Variants in SHC3 observed in about 807,000 individuals in gnomAD.
The protein encoded by SHC3 is SHC-transforming protein 3.
In SHC3, 15 loss-of-function variants were observed where a neutral mutation model predicts 60.4. That is an observed-to-expected ratio of 0.25 (90% CI 0.17 to 0.38). The LOEUF (loss-of-function observed/expected upper bound fraction) is 0.38, where lower values mean the gene tolerates loss of function less well. Among genes scored for constraint, SHC3 ranks in the 10% least tolerant of loss-of-function variants. The pLI is 1.00. For missense variants in SHC3, 677 were observed against 786.1 expected (o/e 0.86, Z 1.66); for synonymous variants, 294 against 325.9 (o/e 0.90, Z 1.05).
At chr9:89,023,708 C>T (rs1826241383) in intron 11 of SHC3, among the ~76,000 whole-genome samples, 1 of 152,190 alleles carries the variant, frequency 6.6e-6, no homozygotes, top group African/African-American at 2.4e-5. Flanking sequence ...GACAGCAGAA[C>T]AGAATCAGAA....
Position 89,103,045 on chromosome 9 carries a change from C to A in SHC3, c.545+9511G>T, listed in dbSNP as rs13302380. Among the ~76,000 whole-genome samples the A allele has an allele frequency of 9.4e-3, 1,427 of 152,210 alleles. 11 individuals are homozygous for A. Among genetic ancestry groups the A allele is most frequent in the Non-Finnish European group, 0.015 (1,017 of 68,004 alleles). ...GCAGGAATTCAGTGTGGAGGATATG[C>A]TGAATGGAAGTTGGGAGGAATGTTT... is the stretch of plus-strand genomic sequence containing the variant. On this transcript the variant is annotated intron_variant, in intron 2 of 11. Coordinates refer to ENST00000375835, the MANE Select transcript of SHC3 (RefSeq NM_016848.6).
At chr9:89,063,520 A>T (rs928938141) in intron 6 of SHC3, among the ~76,000 whole-genome samples, 1 of 152,196 alleles carries the variant, frequency 6.6e-6, no homozygotes, top group African/African-American at 2.4e-5. Flanking sequence ...CATGGAACCT[A>T]GAGCTGCCAT....
rs28637654 is a variant in SHC3 at position 89,026,972 on chromosome 9, T to A, written c.1656+11021A>T. On this transcript the variant is annotated intron_variant, in intron 11 of 11. Transcript: ENST00000375835. ...CGAGCTACTGAGAAGCCCCTTGTCA[T>A]CTCCAAGGTTGCCCAAGAGTCAGCA... Among the ~76,000 whole-genome samples, 73 of 152,104 alleles carry A rather than the reference T, an allele frequency of 4.8e-4. No individual in the cohort carries two copies. The East Asian group carries it at 0.013, about 28-fold the overall frequency.
At chr9:89,091,628 AT>A (rs1319123071) in intron 2 of SHC3, among the ~76,000 whole-genome samples, 6 of 152,364 alleles carry the variant, frequency 3.9e-5, no homozygotes, top group Non-Finnish European at 8.8e-5. Context: ...CATTTTAACC[AT>A]TTTTAAGTGT....
chr9:89,170,705 G>C (rs926110013), intron 1 of SHC3, among the ~76,000 whole-genome samples: 1 of 152,012 alleles, frequency 6.6e-6, no homozygotes, highest in Non-Finnish European at 1.5e-5. Context: ...CCAAATTCAT[G>C]ACAATATTTT....
intron 5 of SHC3, 37 bp from the exon 6 acceptor site, chr9:89,065,617 A>T: frequency 1.2e-6 from 2 of 1,605,662 alleles, no homozygotes; most frequent in Non-Finnish European, 1.7e-6. Flanking sequence ...GTCACTAATC[A>T]CAAGTGAGAG....
chr9:89,038,436 T>C, intron 10 of SHC3, 148 bp from the exon 11 acceptor site: 1 of 861,418 alleles, frequency 1.2e-6, no homozygotes, highest in African/African-American at 1.7e-5. Context: ...GACAACTAAC[T>C]GGCTGGTAAT....
chr9:89,046,790 ATAAAG>A (rs1305329844), intron 8 of SHC3, 49 bp downstream of exon 8: 3 of 1,411,440 alleles, frequency 2.1e-6, no homozygotes, highest in Non-Finnish European at 2.8e-6. Context: ...ACAAAAGGAA[ATAAAG>A]TAGAGTTAGC....
intron 1 of SHC3, among the ~76,000 whole-genome samples, chr9:89,170,431 A>C (rs1826852723): frequency 6.6e-6 from 1 of 152,234 alleles, no homozygotes; most frequent in Non-Finnish European, 1.5e-5. Flanking sequence ...AGATCACTTG[A>C]GGCCAGGAGT....
chr9:89,146,550 G>A lies in SHC3; in HGVS notation c.474+31437C>T, dbSNP rs143721654. Among the ~76,000 whole-genome samples the A allele has an allele frequency of 9.9e-5, 15 of 152,210 alleles. No individual in the cohort carries two copies. In the East Asian group the frequency reaches 2.9e-3, roughly 29 times the overall value. On this transcript the variant is annotated intron_variant, in intron 1 of 11. Transcript: ENST00000375835. ...GTGCTGTGGTTGTGTTTTAATATAG[G>A]AATAGACTGGAAGTAAAATCCCATG... is the stretch of plus-strand genomic sequence containing the variant.
In SHC3 at chr9:89,107,859, C is replaced by A. The variant is rs1454067200; in HGVS notation, c.545+4697G>T. The stretch of plus-strand genomic sequence containing the variant: ...TTTCCCTGGCATGTTTAATTTAAAT[C>A]AACATTAAAGGTATTTATTTTGCAG... On this transcript the variant is annotated intron_variant, in intron 2 of 11. Coordinates refer to ENST00000375835, the MANE Select transcript of SHC3 (RefSeq NM_016848.6). 2.0e-5 allele frequency among the ~76,000 whole-genome samples: 3 copies of A among 152,074 alleles called. No individual in the cohort carries two copies. In the East Asian group the frequency reaches 5.8e-4, roughly 29 times the overall value.
chr9:89,110,821 T>C (rs75000259), intron 2 of SHC3, among the ~76,000 whole-genome samples: 221 of 152,278 alleles, frequency 1.5e-3, no homozygotes, highest in African/African-American at 5.1e-3. Context: ...AAAATCTAAA[T>C]GGAATGGGAT....
intron 1 of SHC3, among the ~76,000 whole-genome samples, chr9:89,136,399 CTTA>C (rs1175421882): frequency 6.6e-6 from 1 of 152,136 alleles, no homozygotes. Flanking sequence ...GATAAAACAG[CTTA>C]TAGCAGAGAA....
At chr9:89,132,967 C>A (rs28809539) in intron 1 of SHC3, among the ~76,000 whole-genome samples, 2 of 152,238 alleles carry the variant, frequency 1.3e-5, no homozygotes, top group Admixed American at 6.5e-5. Context: ...TCAGAGTGAA[C>A]AGGCAACCTA....
At chr9:89,050,642 A>G (rs1478482578) in intron 7 of SHC3, among the ~76,000 whole-genome samples, 1 of 152,174 alleles carries the variant, frequency 6.6e-6, no homozygotes, top group Non-Finnish European at 1.5e-5. Flanking sequence ...CTATATATGC[A>G]ATCATTTATG....
chr9:89,106,371 C>T (rs950541022), intron 2 of SHC3, among the ~76,000 whole-genome samples: 9 of 152,210 alleles, frequency 5.9e-5, no homozygotes, highest in Non-Finnish European at 8.8e-5. Flanking sequence ...CTCCAGCCAG[C>T]GCTGTCGCCT....
intron 5 of SHC3, among the ~76,000 whole-genome samples, chr9:89,065,904 T>G (rs1825171245): frequency 6.6e-6 from 1 of 152,168 alleles, no homozygotes; most frequent in African/African-American, 2.4e-5. Context: ...ACTTACACTT[T>G]GAGCAGCAAG....
chr9:89,055,487 T>G (rs1824934581), intron 6 of SHC3, among the ~76,000 whole-genome samples: 1 of 152,248 alleles, frequency 6.6e-6, no homozygotes, highest in East Asian at 1.9e-4. Context: ...TCTTGCTTAC[T>G]CATTTCTGGG....
chr9:89,149,810 T>C (rs1186203619), intron 1 of SHC3, among the ~76,000 whole-genome samples: 2 of 152,192 alleles, frequency 1.3e-5, no homozygotes, highest in Non-Finnish European at 2.9e-5. Flanking sequence ...AAAATATTAA[T>C]GGAAAATTAC....
Sources: gnomAD v4.1 joint callset for allele counts (sites outside exome capture counted in the v4.1 genomes callset) on GRCh38, gnomAD v4.1.1 for gene constraint, MANE v1.5 for transcripts, NCBI Gene and HGNC (gene_info 2026-07-23, HGNC 2026-07-21) for gene names.